The following DPF3 variants were observed in gnomAD, a reference collection of about 807,000 sequenced individuals.
The protein encoded by DPF3 is double PHD fingers 3, also known as zinc finger protein DPF3.
In DPF3, 18 loss-of-function variants were observed where a neutral mutation model predicts 56.8. The observed-to-expected ratio is 0.32, with a 90% CI of 0.22 to 0.47. The LOEUF is 0.47. Among genes scored for constraint, DPF3 ranks in the 20% least tolerant of loss-of-function variants. DPF3 has a pLI of 1.00. For synonymous variants in DPF3, 188 were observed against 180.2 expected, an observed-to-expected ratio of 1.04 and a Z score of -0.35; for missense variants, 403 against 488.8, an observed-to-expected ratio of 0.82 and a Z score of 1.65.
intron 6 of DPF3, among the ~76,000 whole-genome samples, chr14:72,709,990 C>G (rs1025762926): frequency 2.0e-5 from 3 of 152,378 alleles, no homozygotes; most frequent in African/African-American, 7.2e-5. Context: ...TTGCTCCTCC[C>G]TGCATGGCTA....
At chr14:72,649,252 T>C (rs1210466506) in intron 8 of DPF3, among the ~76,000 whole-genome samples, 1 of 152,122 alleles carries the variant, frequency 6.6e-6, no homozygotes, top group Non-Finnish European at 1.5e-5. Context: ...AAAATCCTCA[T>C]CCCAAGGGGT....
chr14:72,886,066 C>T (rs758382888), intron 1 of DPF3, among the ~76,000 whole-genome samples: 11 of 152,166 alleles, frequency 7.2e-5, no homozygotes, highest in African/African-American at 2.2e-4. Flanking sequence ...AGTTTCTCTC[C>T]GGGATGATGA....
intron 1 of DPF3, among the ~76,000 whole-genome samples, chr14:72,776,115 C>A (rs1167704680): frequency 6.6e-6 from 1 of 152,010 alleles, no homozygotes; most frequent in African/African-American, 2.4e-5. Flanking sequence ...GACCAGTGTA[C>A]CCTGGGTTGG....
At chr14:72,873,230 AAAAC>A (rs763770293) in intron 1 of DPF3, among the ~76,000 whole-genome samples, 16,709 of 152,110 alleles carry the variant, frequency 0.11, 978 homozygotes, top group Non-Finnish European at 0.13. Context: ...TTACAAGAAA[AAAAC>A]AAACAACCCC....
At chr14:72,822,051 A>T (rs1883570296) in intron 1 of DPF3, among the ~76,000 whole-genome samples, 1 of 152,150 alleles carries the variant, frequency 6.6e-6, no homozygotes, top group Admixed American at 6.5e-5. Context: ...TGTCCACACA[A>T]TGAAATGCTA....
chr14:72,668,306 C>A (rs1330138875), intron 8 of DPF3, among the ~76,000 whole-genome samples: 1 of 152,190 alleles, frequency 6.6e-6, no homozygotes, highest in Non-Finnish European at 1.5e-5. Context: ...CTTTTCTCAA[C>A]TGAAAAGTGA....
intron 1 of DPF3, among the ~76,000 whole-genome samples, chr14:72,810,373 G>A (rs1882985538): frequency 6.6e-6 from 1 of 152,198 alleles, no homozygotes. Flanking sequence ...ACAGAGGAAG[G>A]AAGAGACGGG....
At position 72,688,152 on chromosome 14, in the gene DPF3, TGATGGATGGATGGATGGATG is replaced by T. The variant is rs1208372778; in HGVS notation, c.742+4904_742+4923del. Among the ~76,000 whole-genome samples the T allele has an allele frequency of 4.2e-4, 44 of 104,514 alleles. 1 individual carries two copies. The East Asian group carries it at 0.015, about 35-fold the overall frequency. The allele number at this position is 104,514 out of a possible 152,430, so 68.6% of individuals were successfully genotyped here. On this transcript the variant is annotated intron_variant, in intron 7 of 10. Transcript: ENST00000556509. ...TGGATAGATGGACAGATGAGATGGA[TGATGGATGGATGGATGGATG>T]GATGGATGGATGGATGGATGGGTGG...
chr14:72,729,493 G>T (rs1158444786), intron 4 of DPF3, among the ~76,000 whole-genome samples: 2 of 152,122 alleles, frequency 1.3e-5, no homozygotes, highest in Non-Finnish European at 2.9e-5. Context: ...GATAGCAGGG[G>T]CGGTAGCGGG....
At chr14:72,638,462 G>A (rs1189234627) in intron 8 of DPF3, among the ~76,000 whole-genome samples, 1 of 152,122 alleles carries the variant, frequency 6.6e-6, no homozygotes, top group Admixed American at 6.5e-5. Context: ...TGTAATCCCT[G>A]TACTTCCTAC....
chr14:72,763,533 T>C (rs73302140), intron 2 of DPF3, among the ~76,000 whole-genome samples: 3,324 of 152,140 alleles, frequency 0.022, 104 homozygotes, highest in African/African-American at 0.076. Flanking sequence ...CAATTGAATA[T>C]CCATCTGCAA....
chr14:72,619,936 A>G lies in DPF3; in HGVS notation c.1033T>C (p.Cys345Arg). 6.5e-7 allele frequency: 1 copy of G among 1,535,228 alleles called. No homozygotes were observed. The highest frequency in any genetic ancestry group is 8.7e-7 in the Non-Finnish European group (1 of 1,146,554). Residue 345 changes from cysteine (C) to arginine (R), a missense_variant, in exon 10 of 11, where the codon TGT becomes CGT. This residue lies in a region of DPF3 where 63 missense variants were observed against 114.4 expected (regional missense o/e 0.55). Coordinates refer to ENST00000556509, the MANE Select transcript of DPF3 (RefSeq NM_001280542.3). ...GGCTCAGCCACCGGGGGATTTAAAC[A>G]GTACATGTGATAGCCTCGGTCACAG... is the stretch of plus-strand genomic sequence containing the variant. The part of the protein sequence containing the change: ...DDCDRGYHMY[C>R]LNPPVAEPPE...
intron 3 of DPF3, among the ~76,000 whole-genome samples, chr14:72,748,044 G>C (rs1338649237): frequency 1.3e-5 from 2 of 152,214 alleles, no homozygotes; most frequent in Non-Finnish European, 2.9e-5. Flanking sequence ...CGAAAATATG[G>C]AAGCAACTTT....
intron 7 of DPF3, 60 bp downstream of exon 7, chr14:72,693,016 C>T (rs753459481): frequency 3.3e-5 from 52 of 1,598,366 alleles, no homozygotes; most frequent in Non-Finnish European, 4.3e-5. Flanking sequence ...GAACAAGGAA[C>T]GCTCCCCAGC....
chr14:72,669,316 C>T (rs1886569433), intron 8 of DPF3, among the ~76,000 whole-genome samples: 1 of 152,236 alleles, frequency 6.6e-6, no homozygotes, highest in South Asian at 2.1e-4. Context: ...CAGGCAGCTA[C>T]TTGGGTCTCC....
chr14:72,647,567 C>A (rs1228351920), intron 8 of DPF3, among the ~76,000 whole-genome samples: 1 of 152,202 alleles, frequency 6.6e-6, no homozygotes, highest in African/African-American at 2.4e-5. Flanking sequence ...AAAACAAACA[C>A]AAATGCCCAT....
intron 7 of DPF3, among the ~76,000 whole-genome samples, chr14:72,686,262 G>T (rs998774535): frequency 6.6e-6 from 1 of 152,354 alleles, no homozygotes; most frequent in South Asian, 2.1e-4. Flanking sequence ...ATGGAACCAT[G>T]ATTCAGATGA....
Position 72,850,075 on chromosome 14 carries a change from T to C in DPF3, c.32+43982A>G, listed in dbSNP as rs147998677. ...TGGAGGTTGCAGTGAGCCGAGATCA[T>C]ACCACTGCACTCCTGCCTAGGCGAC... is the stretch of plus-strand genomic sequence containing the variant. On this transcript the variant is annotated intron_variant, in intron 1 of 10. Transcript: ENST00000556509. Among the ~76,000 whole-genome samples, 686 of 151,892 alleles carry C rather than the reference T, an allele frequency of 4.5e-3. 4 individuals are homozygous for C. The highest frequency in any genetic ancestry group is 0.016 in the African/African-American group (662 of 41,400).
At chr14:72,723,349 A>G (rs913671645) in intron 5 of DPF3, among the ~76,000 whole-genome samples, 4 of 152,110 alleles carry the variant, frequency 2.6e-5, no homozygotes, top group African/African-American at 9.7e-5. Flanking sequence ...CAACAGGCAC[A>G]TTCTCCTTAT....
Sources: allele counts gnomAD v4.1 joint callset (sites outside exome capture counted in the v4.1 genomes callset), GRCh38; gene constraint gnomAD v4.1.1; regional missense constraint gnomAD v4.1.1; transcripts MANE v1.5; gene names NCBI Gene and HGNC (gene_info 2026-07-23, HGNC 2026-07-21).